Variants in MYCBP2 observed in about 807,000 individuals in gnomAD.
MYCBP2 encodes the protein MYC binding protein 2, also known as E3 ubiquitin-protein ligase MYCBP2.
MYCBP2 carries 120 observed loss-of-function variants against 525.3 expected under a neutral mutation model. That is an observed-to-expected ratio of 0.23 (90% CI 0.20 to 0.27). The LOEUF (loss-of-function observed/expected upper bound fraction) is 0.27. Among genes scored for constraint, MYCBP2 ranks in the 10% least tolerant of loss-of-function variants. The pLI, the probability that MYCBP2 is intolerant of heterozygous loss-of-function variation, is 1.00. For missense variants in MYCBP2, 4,149 were observed against 5,657.1 expected (o/e 0.73, Z 8.55); for synonymous variants, 1,894 against 1,955.8 (o/e 0.97, Z 0.83).
chr13:77,091,310 T>A (rs918214133), intron 59 of MYCBP2, among the ~76,000 whole-genome samples: 1 of 152,058 alleles, frequency 6.6e-6, no homozygotes, highest in Admixed American at 6.6e-5. Flanking sequence ...CAGGGAAACA[T>A]TAACTTAATT....
intron 55 of MYCBP2, among the ~76,000 whole-genome samples, chr13:77,106,230 G>A (rs146074719): frequency 7.9e-4 from 120 of 152,208 alleles, no homozygotes; most frequent in African/African-American, 2.5e-3. Context: ...CAACAACTAA[G>A]CAATGATTGG....
chr13:77,096,738 T>C (rs1239684724), intron 56 of MYCBP2, among the ~76,000 whole-genome samples: 1 of 152,064 alleles, frequency 6.6e-6, no homozygotes, highest in African/African-American at 2.4e-5. Context: ...AGAATATAGG[T>C]ATATTTAGAT....
chr13:77,263,552 A>G (rs2073644464), intron 10 of MYCBP2, 99 bp downstream of exon 10: 1 of 975,764 alleles, frequency 1.0e-6, no homozygotes, highest in Admixed American at 2.7e-5. Context: ...AATAGCTGCT[A>G]CAACATAAGC....
chr13:77,229,755 G>A (rs1332340720), intron 18 of MYCBP2, among the ~76,000 whole-genome samples: 1 of 152,152 alleles, frequency 6.6e-6, no homozygotes, highest in African/African-American at 2.4e-5. Context: ...TGTAGTTCTA[G>A]TAAATGACAA....
At chr13:77,129,603 T>C (rs1394440235) in intron 52 of MYCBP2, 2 of 157,966 alleles carry the variant, frequency 1.3e-5, no homozygotes, top group African/African-American at 4.8e-5. Flanking sequence ...AGTCTGCTGT[T>C]TTATAATAAA....
At chr13:77,233,461 T>C (rs1213139690) in intron 17 of MYCBP2, among the ~76,000 whole-genome samples, 198 bp from the exon 18 acceptor site, 2 of 119,992 alleles carry the variant, frequency 1.7e-5, no homozygotes, top group Non-Finnish European at 1.6e-5. Context: ...AAAGTTAATA[T>C]CTTAAATATA....
intron 22 of MYCBP2, 27 bp downstream of exon 22, chr13:77,211,929 G>C (rs1566939655): frequency 6.5e-7 from 1 of 1,532,758 alleles, no homozygotes; most frequent in African/African-American, 1.4e-5. Flanking sequence ...GAGTTTGGAA[G>C]GGGCATTTGT....
At position 77,058,247 on chromosome 13, in the gene MYCBP2, C is replaced by T; in HGVS notation, c.13300G>A (p.Glu4434Lys). Reference sequence around the variant, plus strand: ...ATGGCTGGTGCTGCCGAGAGCGCTTCGGTGAAACATATCATGCACATGTCA... The same window carrying T: ...ATGGCTGGTGCTGCCGAGAGCGCTTTGGTGAAACATATCATGCACATGTCA... Reference protein sequence around the residue: ...ADDMCMICFTEALSAAPAIQL... With the variant: ...ADDMCMICFTKALSAAPAIQL... The change falls in exon 78 of 83, where the codon GAA becomes AAA. Residue 4434 changes from glutamate (E) to lysine (K), a missense_variant. Glu to Lys is a moderately conservative substitution (Grantham distance 56). This residue lies in a region of MYCBP2 where 220 missense variants were observed against 396.0 expected (regional missense o/e 0.56). Transcript: ENST00000544440. This position sits in a 1 kb window ranked among gnomAD's most constrained non-coding sequence, Gnocchi z 4.1. The T allele has an allele frequency of 6.2e-7, 1 of 1,614,040 alleles. No homozygotes were observed. Among genetic ancestry groups the T allele is most frequent in the Non-Finnish European group, 8.5e-7 (1 of 1,179,952 alleles).
intron 46 of MYCBP2, among the ~76,000 whole-genome samples, chr13:77,154,941 A>G (rs2057028209): frequency 6.6e-6 from 1 of 152,102 alleles, no homozygotes. Context: ...ATCAGAGTAT[A>G]GCATATTATG....
intron 57 of MYCBP2, among the ~76,000 whole-genome samples, chr13:77,095,874 AG>A (rs1220653179): frequency 2.6e-5 from 4 of 152,258 alleles, no homozygotes; most frequent in African/African-American, 9.6e-5. Flanking sequence ...TTTTTTAAAA[AG>A]TAAATCATTT....
At position 77,078,897 on chromosome 13, in the gene MYCBP2, A is replaced by G; in HGVS notation, c.11419-8T>C. ...CATTGAGGTAACTTTATTCTGAAAT[A>G]GACAATTCACAATAGTTAATATGCT... is the stretch of plus-strand genomic sequence containing the variant. On this transcript the variant is annotated splice_region_variant and splice_polypyrimidine_tract_variant and intron_variant, in intron 65 of 82. Coordinates refer to ENST00000544440, the MANE Select transcript of MYCBP2 (RefSeq NM_015057.5). 6.2e-7 allele frequency: 1 copy of G among 1,608,638 alleles called. No homozygotes were observed. Among genetic ancestry groups the G allele is most frequent in the South Asian group, 1.1e-5 (1 of 90,920 alleles).
chr13:77,078,452 A>AT (rs1272785231), intron 66 of MYCBP2, among the ~76,000 whole-genome samples: 1 of 152,190 alleles, frequency 6.6e-6, no homozygotes, highest in Non-Finnish European at 1.5e-5. Context: ...TAACAGACAG[A>AT]TTTTTCAGGC....
intron 55 of MYCBP2, among the ~76,000 whole-genome samples, chr13:77,110,474 C>A (rs1197292893): frequency 2.0e-5 from 3 of 152,106 alleles, no homozygotes; most frequent in Admixed American, 6.5e-5. Context: ...TGAACATAGA[C>A]CCTCATCAGT....
chr13:77,293,596 G>C (rs1027907931), intron 2 of MYCBP2, among the ~76,000 whole-genome samples: 2 of 152,188 alleles, frequency 1.3e-5, no homozygotes, highest in African/African-American at 4.8e-5. Flanking sequence ...ATTAAACTAA[G>C]GATTTTGAAA....
chr13:77,113,370 C>G (rs973732526), intron 55 of MYCBP2, among the ~76,000 whole-genome samples: 10 of 152,002 alleles, frequency 6.6e-5, no homozygotes, highest in Non-Finnish European at 1.3e-4. Context: ...GGTTGTATCT[C>G]TTAAAATATT....
Position 77,206,812 on chromosome 13 carries a change from T to C in MYCBP2, c.3430A>G (p.Thr1144Ala), listed in dbSNP as rs1445555007. The C allele has an allele frequency of 3.8e-6, 6 of 1,596,612 alleles. No homozygotes were observed. The highest frequency in any genetic ancestry group is 1.8e-5 in the Admixed American group (1 of 56,450). The change falls in exon 24 of 83, where the codon ACT (threonine) becomes GCT (alanine). Residue 1144 changes from threonine (T) to alanine (A), a missense_variant. Physicochemically the swap from Thr to Ala is moderately conservative, Grantham distance 58 (BLOSUM62 0). Coordinates refer to ENST00000544440, the MANE Select transcript of MYCBP2 (RefSeq NM_015057.5). ...GCATTGTAACACCACAGCTCTCTAG[T>C]ATTTGGTCGAAACCTTTAAAGAAAA... ...YDVIWRFRPN[T>A]RELWCYNAVV...
intron 47 of MYCBP2, 123 bp downstream of exon 47, chr13:77,150,599 GTGTTGCTGCAAA>G: frequency 1.4e-6 from 1 of 694,140 alleles, no homozygotes; most frequent in East Asian, 2.7e-5. Context: ...ATCTTAATAA[GTGTTGCTGCAAA>G]TTTAATATCC....
chr13:77,107,973 G>C (rs1298747741), intron 55 of MYCBP2, among the ~76,000 whole-genome samples: 1 of 151,698 alleles, frequency 6.6e-6, no homozygotes, highest in East Asian at 1.9e-4. Flanking sequence ...CATAAATGTT[G>C]GTATACTAAA....
intron 3 of MYCBP2, among the ~76,000 whole-genome samples, chr13:77,284,781 C>T (rs1378943077): frequency 6.6e-6 from 1 of 152,198 alleles, no homozygotes; most frequent in East Asian, 1.9e-4. Flanking sequence ...AGGTACTGTT[C>T]TCTCAAGCAC....
Sources: gnomAD v4.1 joint callset for allele counts (sites outside exome capture counted in the v4.1 genomes callset) on GRCh38, gnomAD v4.1.1 for gene constraint, gnomAD v4.1.1 regional missense constraint, Gnocchi (gnomAD v3.1) non-coding constraint, MANE v1.5 for transcripts, NCBI Gene and HGNC (gene_info 2026-07-23, HGNC 2026-07-21) for gene names.